The following ZNF674 variants were observed in gnomAD, a reference collection of about 807,000 sequenced individuals.
ZNF674 encodes zinc finger protein 674, also known as zinc finger family member 674.
ZNF674 carries 2 observed loss-of-function variants against 7.0 expected under a neutral mutation model. The observed-to-expected ratio is 0.29, with a 90% CI of 0.12 to 0.90. ZNF674 has a LOEUF of 0.90. Among genes scored for constraint, ZNF674 ranks in the 40% least tolerant of loss-of-function variants. The pLI is 0.57. For missense variants in ZNF674, 297 were observed against 415.5 expected (o/e 0.71, Z 2.48); for synonymous variants, 103 against 145.2 (o/e 0.71, Z 2.09).
In ZNF674 at chrX:46,522,741, C is replaced by T. The variant is rs1025386727; in HGVS notation, c.238+5609G>A. On this transcript the variant is annotated intron_variant, in intron 5 of 5. Transcript: ENST00000683375. Reference sequence around the variant, plus strand: ...GTGATACCCAAACTAGAACACTATCCTGCAATGAAAATAAACATCATGGCT... The same window carrying T: ...GTGATACCCAAACTAGAACACTATCTTGCAATGAAAATAAACATCATGGCT... Among the ~76,000 whole-genome samples, 5 of 112,176 alleles carry T rather than the reference C, an allele frequency of 4.5e-5. No individual in the cohort carries two copies. In the South Asian group the frequency reaches 1.1e-3, roughly 25 times the overall value.
chrX:46,520,411 A>AT (rs906778397), intron 5 of ZNF674, among the ~76,000 whole-genome samples: 1 of 110,934 alleles, frequency 9.0e-6, no homozygotes, highest in Non-Finnish European at 1.9e-5. Flanking sequence ...AAATAAATAA[A>AT]TAAATAATAA....
At chrX:46,513,270 A>T (rs747562423) in intron 5 of ZNF674, among the ~76,000 whole-genome samples, 2 of 112,055 alleles carry the variant, frequency 1.8e-5, no homozygotes, top group Non-Finnish European at 3.8e-5. Context: ...CAAAAAAAAA[A>T]CAAAAACAAA....
chrX:46,517,541 C>T (rs1015082021), intron 5 of ZNF674, among the ~76,000 whole-genome samples: 5 of 111,456 alleles, frequency 4.5e-5, no homozygotes, highest in African/African-American at 9.8e-5. Context: ...ACATTATAAT[C>T]GAAAGCCTGG....
intron 3 of ZNF674, among the ~76,000 whole-genome samples, chrX:46,535,766 G>A (rs904462945): frequency 2.7e-5 from 3 of 111,593 alleles, no homozygotes; most frequent in Non-Finnish European, 5.6e-5. Flanking sequence ...TGCAAATACC[G>A]TTTAACAAAG....
At chrX:46,512,189 C>T (rs1038933682) in intron 5 of ZNF674, among the ~76,000 whole-genome samples, 1 of 109,799 alleles carries the variant, frequency 9.1e-6, no homozygotes, top group African/African-American at 3.3e-5. Flanking sequence ...GGTGAAACCC[C>T]ATCTCTACTA....
At chrX:46,538,657 G>A (rs908475206) in intron 3 of ZNF674, among the ~76,000 whole-genome samples, 9 of 111,732 alleles carry the variant, frequency 8.1e-5, no homozygotes, top group Admixed American at 1.9e-4. Flanking sequence ...ACTGGAAGGC[G>A]AGGGTAGGAG....
chrX:46,543,645 G>T (rs1204276749), intron 2 of ZNF674, among the ~76,000 whole-genome samples: 1 of 112,085 alleles, frequency 8.9e-6, no homozygotes, highest in African/African-American at 3.2e-5. Flanking sequence ...CCTTTCCCAT[G>T]ATTTGCATTT....
At chrX:46,530,043 C>A (rs1051054305) in intron 3 of ZNF674, among the ~76,000 whole-genome samples, 2 of 112,039 alleles carry the variant, frequency 1.8e-5, no homozygotes, top group African/African-American at 6.5e-5. Context: ...CTTGTCACCA[C>A]CAAACAAGAA....
intron 5 of ZNF674, among the ~76,000 whole-genome samples, chrX:46,526,233 T>C (rs1249025664): frequency 8.9e-6 from 1 of 112,092 alleles, no homozygotes; most frequent in Non-Finnish European, 1.9e-5. Flanking sequence ...TAGGCTACAG[T>C]AATTAAACAG....
chrX:46,502,073 C>T (rs909410624), intron 5 of ZNF674, among the ~76,000 whole-genome samples: 6 of 109,858 alleles, frequency 5.5e-5, no homozygotes, highest in African/African-American at 2.0e-4. Flanking sequence ...TTTGGGAGGC[C>T]GAGGTGGGTG....
At chrX:46,509,217 C>T (rs1324042177) in intron 5 of ZNF674, among the ~76,000 whole-genome samples, 1 of 103,400 alleles carries the variant, frequency 9.7e-6, no homozygotes, top group African/African-American at 3.5e-5. Flanking sequence ...CCATTCAGGA[C>T]ATAGGCATGG....
chrX:46,505,167 C>T (rs1160384852), intron 5 of ZNF674, among the ~76,000 whole-genome samples: 2 of 111,585 alleles, frequency 1.8e-5, no homozygotes, highest in East Asian at 2.8e-4. Context: ...GGATTACAGG[C>T]GTGAGCCACC....
chrX:46,520,015 A>G (rs1467086023), intron 5 of ZNF674, among the ~76,000 whole-genome samples: 1 of 112,347 alleles, frequency 8.9e-6, no homozygotes, highest in Non-Finnish European at 1.9e-5. Flanking sequence ...ATTATATAAC[A>G]TTTTTCAAAT....
intron 3 of ZNF674, among the ~76,000 whole-genome samples, chrX:46,541,063 TAA>T (rs775512480): frequency 4.9e-4 from 22 of 44,935 alleles, no homozygotes; most frequent in Admixed American, 5.3e-4. Flanking sequence ...AAACTCCATT[TAA>T]AAAAAAAAAA....
intron 3 of ZNF674, among the ~76,000 whole-genome samples, chrX:46,539,906 G>C (rs1942261320): frequency 8.9e-6 from 1 of 112,472 alleles, no homozygotes; most frequent in African/African-American, 3.2e-5. Flanking sequence ...GAAAAAGCGT[G>C]TCAGAGTGAG....
intron 5 of ZNF674, among the ~76,000 whole-genome samples, chrX:46,518,650 C>T (rs766861898): frequency 2.7e-3 from 273 of 102,748 alleles, no homozygotes; most frequent in African/African-American, 9.4e-3. Flanking sequence ...CTGAGGCGGG[C>T]GGATCACGAG....
At chrX:46,504,474 C>T (rs1011474195) in intron 5 of ZNF674, among the ~76,000 whole-genome samples, 7 of 110,140 alleles carry the variant, frequency 6.4e-5, no homozygotes, top group African/African-American at 2.0e-4. Context: ...CCCTGAGTAG[C>T]TGGGATTACA....
intron 2 of ZNF674, among the ~76,000 whole-genome samples, chrX:46,543,142 C>T (rs924429370): frequency 1.8e-5 from 2 of 110,002 alleles, no homozygotes; most frequent in East Asian, 5.8e-4. Flanking sequence ...TTAGTAGAGA[C>T]GGGGTTTCAT....
intron 5 of ZNF674, among the ~76,000 whole-genome samples, chrX:46,509,398 G>A (rs766746674): frequency 9.0e-6 from 1 of 110,595 alleles, no homozygotes; most frequent in African/African-American, 3.3e-5. Flanking sequence ...ATCTGACAAA[G>A]GGCTAATATC....
Sources: allele counts gnomAD v4.1 joint callset (sites outside exome capture counted in the v4.1 genomes callset), GRCh38; gene constraint gnomAD v4.1.1; transcripts MANE v1.5; gene names NCBI Gene and HGNC (gene_info 2026-07-23, HGNC 2026-07-21).